Variants in SH3PXD2A observed in about 807,000 individuals in gnomAD.
SH3PXD2A encodes the protein SH3 and PX domains 2A, also known as SH3 and PX domain-containing protein 2A.
Under a neutral mutation model 115.2 loss-of-function variants are expected in SH3PXD2A, and 32 were observed. That is an observed-to-expected ratio of 0.28 (90% CI 0.21 to 0.37). The LOEUF (loss-of-function observed/expected upper bound fraction) is 0.37. SH3PXD2A is among the 10% of genes least tolerant of loss of function. The pLI is 1.00. For synonymous variants in SH3PXD2A, 610 were observed against 629.1 expected (o/e 0.97, Z 0.45); for missense variants, 1,328 against 1,498.7 (o/e 0.89, Z 1.88).
chr10:103,787,465 C>T (rs1268476130), intron 2 of SH3PXD2A, among the ~76,000 whole-genome samples: 1 of 152,236 alleles, frequency 6.6e-6, no homozygotes, highest in East Asian at 1.9e-4. Context: ...CTGTCTTGGT[C>T]CCCACCCTGT....
chr10:103,852,572 C>T (rs1333736602), intron 1 of SH3PXD2A, among the ~76,000 whole-genome samples: 1 of 152,186 alleles, frequency 6.6e-6, no homozygotes, highest in African/African-American at 2.4e-5. Context: ...TTCCAGAACA[C>T]AGGCAATGGG....
At chr10:103,707,663 T>G (rs892682438) in intron 5 of SH3PXD2A, among the ~76,000 whole-genome samples, 1 of 152,016 alleles carries the variant, frequency 6.6e-6, no homozygotes, top group Non-Finnish European at 1.5e-5. Flanking sequence ...CTGTACTTCA[T>G]GTACATTATT....
chr10:103,741,416 G>A (rs964733949), intron 3 of SH3PXD2A, among the ~76,000 whole-genome samples: 1 of 152,074 alleles, frequency 6.6e-6, no homozygotes. Context: ...CAACCACTAG[G>A]GCCCTCTGGC....
chr10:103,750,783 C>CTTT (rs56018229), intron 3 of SH3PXD2A, among the ~76,000 whole-genome samples: 1 of 151,934 alleles, frequency 6.6e-6, no homozygotes, highest in Non-Finnish European at 1.5e-5. Flanking sequence ...GGGGCACGGG[C>CTTT]TTTTTTTGTT....
chr10:103,732,874 C>T (rs1324072632), intron 4 of SH3PXD2A, among the ~76,000 whole-genome samples: 2 of 152,206 alleles, frequency 1.3e-5, no homozygotes, highest in African/African-American at 4.8e-5. Context: ...CGGCACTGTG[C>T]TGGCTGGGGT....
chr10:103,608,025 G>A (rs914290563), intron 13 of SH3PXD2A, among the ~76,000 whole-genome samples: 4 of 151,702 alleles, frequency 2.6e-5, no homozygotes, highest in African/African-American at 4.9e-5. Flanking sequence ...GGAAGGCCTC[G>A]GGGTCCTCTG....
At chr10:103,705,149 G>A (rs903343374) in intron 5 of SH3PXD2A, among the ~76,000 whole-genome samples, 3 of 152,168 alleles carry the variant, frequency 2.0e-5, no homozygotes, top group African/African-American at 7.2e-5. Context: ...GTCCACTACA[G>A]GTCCCAGCAG....
intron 5 of SH3PXD2A, among the ~76,000 whole-genome samples, chr10:103,711,320 G>C (rs1432528440): frequency 6.6e-6 from 1 of 152,240 alleles, no homozygotes; most frequent in Non-Finnish European, 1.5e-5. Context: ...CCTGTTGCCT[G>C]CACCTACTGG....
chr10:103,719,721 CT>C (rs11438501), intron 5 of SH3PXD2A, among the ~76,000 whole-genome samples: 3,253 of 114,528 alleles, frequency 0.028, 14 homozygotes, highest in Non-Finnish European at 0.033. Flanking sequence ...TTTTTTCTTT[CT>C]TTTTTTTTTT....
intron 1 of SH3PXD2A, among the ~76,000 whole-genome samples, chr10:103,828,185 G>A (rs1479681596): frequency 6.6e-6 from 1 of 152,246 alleles, no homozygotes; most frequent in Non-Finnish European, 1.5e-5. Context: ...TAGGCAGGAA[G>A]CGAATGCTTA....
Position 103,594,338 on chromosome 10 carries a change from T to G in SH3PXD2A, c.*7478A>C, listed in dbSNP as rs1448334999. On this transcript the variant is annotated 3_prime_UTR_variant, in exon 15 of 15. Coordinates refer to ENST00000369774, the MANE Select transcript of SH3PXD2A (RefSeq NM_001394015.1). ...ATTGATTCTGGAAATATTTCAGCAC[T>G]CAAATCGACTGCACTGAGTTTAATG... 6.6e-6 allele frequency: 1 copy of G among 152,666 alleles called. No homozygotes were observed. The highest frequency in any genetic ancestry group is 2.1e-4 in the South Asian group (1 of 4,828). The allele number at this position is 152,666 out of a possible 1,614,324, so 9.5% of individuals were successfully genotyped here.
In SH3PXD2A at chr10:103,603,696, G is replaced by A; in HGVS notation, c.1522C>T (p.Pro508Ser). 6.2e-7 allele frequency: 1 copy of A among 1,609,532 alleles called. No homozygotes were observed. The highest frequency in any genetic ancestry group is 8.5e-7 in the Non-Finnish European group (1 of 1,179,228). ...GTGCTTGTGCGGCGGCTCAGGTTGGGCTTCTTGCGCTTATCGATGTATGAT... is the reference window on the plus strand; with the variant it reads ...GTGCTTGTGCGGCGGCTCAGGTTGGACTTCTTGCGCTTATCGATGTATGAT... ...PASYIDKRKK[P>S]NLSRRTSTLT... The change falls in exon 15 of 15, where the codon CCC becomes TCC. Residue 508 changes from proline to serine, a missense_variant. By Grantham distance (74) the Pro-to-Ser change is moderately conservative. Transcript: ENST00000369774.
chr10:103,686,234 T>C (rs2037676013), intron 6 of SH3PXD2A, among the ~76,000 whole-genome samples: 1 of 152,200 alleles, frequency 6.6e-6, no homozygotes, highest in Non-Finnish European at 1.5e-5. Flanking sequence ...AGCAACCTCA[T>C]CTGCATGTAA....
rs371761666 is a variant in SH3PXD2A, at chr10:103,796,922, C to T, written c.153+4360G>A. The stretch of plus-strand genomic sequence containing the variant: ...TGTTGCCCAGGCTGGAGTGCAGTGG[C>T]GCAATCACAGCTCACTGCAGCCTGG... On this transcript the variant is annotated intron_variant, in intron 2 of 14. Transcript: ENST00000369774. 1.3e-4 allele frequency among the ~76,000 whole-genome samples: 19 copies of T among 142,490 alleles called. No individual in the cohort carries two copies. The East Asian group carries it at 3.7e-3, about 27-fold the overall frequency. 93.5% of individuals were successfully genotyped at this position (142,490 alleles called of 152,430 possible).
At chr10:103,712,749 A>G (rs1056112682) in intron 5 of SH3PXD2A, among the ~76,000 whole-genome samples, 1 of 152,208 alleles carries the variant, frequency 6.6e-6, no homozygotes, top group African/African-American at 2.4e-5. Flanking sequence ...GTCCTGATGC[A>G]GTTATTCTGC....
intron 6 of SH3PXD2A, among the ~76,000 whole-genome samples, chr10:103,683,186 C>A (rs1257883770): frequency 2.0e-5 from 3 of 151,904 alleles, no homozygotes. Flanking sequence ...AAAGCGAGAC[C>A]CTGTTTCTAC....
chr10:103,707,710 T>G (rs1203850352), intron 5 of SH3PXD2A, among the ~76,000 whole-genome samples: 1 of 151,552 alleles, frequency 6.6e-6, no homozygotes, highest in Non-Finnish European at 1.5e-5. Flanking sequence ...AAGAAGAAGA[T>G]GCTATCATTA....
intron 1 of SH3PXD2A, among the ~76,000 whole-genome samples, chr10:103,819,591 G>A (rs894757539): frequency 1.2e-4 from 19 of 152,226 alleles, no homozygotes; most frequent in East Asian, 7.7e-4. Context: ...GCAAGGGGGC[G>A]AAGAAGCACA....
Position 103,603,481 on chromosome 10 carries a change from T to G in SH3PXD2A, c.1737A>C (p.Arg579Ser). Residue 579 changes from arginine to serine, a missense_variant, in exon 15 of 15, where the codon AGA becomes AGC. Arg to Ser is a moderately radical substitution (Grantham distance 110). Coordinates refer to ENST00000369774, the MANE Select transcript of SH3PXD2A (RefSeq NM_001394015.1). ...GGGCAGGCCGCCTCTCCCCTGAGGC[T>G]CTGTCCTCCACGGGCTCCTCGCTCA... ...PELSEEPVED[R>S]ASGERRPAQP... The G allele has an allele frequency of 6.2e-7, 1 of 1,611,792 alleles. No homozygotes were observed.
Sources: allele counts gnomAD v4.1 joint callset (sites outside exome capture counted in the v4.1 genomes callset), GRCh38; gene constraint gnomAD v4.1.1; transcripts MANE v1.5; gene names NCBI Gene and HGNC (gene_info 2026-07-23, HGNC 2026-07-21).